MSI2: variants seen among roughly 807,000 people sequenced by gnomAD.
MSI2 encodes the protein RNA-binding protein Musashi homolog 2.
In MSI2, 17 loss-of-function variants were observed where a neutral mutation model predicts 45.6. The observed-to-expected ratio is 0.37, with a 90% CI of 0.26 to 0.56. The LOEUF (loss-of-function observed/expected upper bound fraction) is 0.56, where lower values mean the gene tolerates loss of function less well. Among genes scored for constraint, MSI2 ranks in the 20% least tolerant of loss-of-function variants. MSI2 has a pLI of 0.77. For missense variants in MSI2, 293 were observed against 444.2 expected (o/e 0.66, Z 3.06); for synonymous variants, 156 against 158.2 (o/e 0.99, Z 0.11).
rs532021022 is a variant in MSI2 at position 57,464,748 on chromosome 17, C to T, written c.405+63277C>T. On this transcript the variant is annotated intron_variant, in intron 6 of 13. Coordinates refer to ENST00000284073, the MANE Select transcript of MSI2 (RefSeq NM_138962.4). ...TAGGCCACTCTGTTCCTGTCCCTTC[C>T]TCTTTTCTCTGAGATTGGTCCAGTA... is the stretch of plus-strand genomic sequence containing the variant. 5.9e-5 allele frequency among the ~76,000 whole-genome samples: 9 copies of T among 152,324 alleles called. No homozygotes were observed. In the South Asian group the frequency reaches 6.2e-4, roughly 11 times the overall value.
chr17:57,498,633 C>T (rs1398453316), intron 6 of MSI2, among the ~76,000 whole-genome samples: 2 of 152,270 alleles, frequency 1.3e-5, no homozygotes, highest in African/African-American at 2.4e-5. Context: ...CTGTGCCGCG[C>T]GGGGAGCTCA....
chr17:57,485,057 G>T (rs1174061441), intron 6 of MSI2, among the ~76,000 whole-genome samples: 1 of 152,204 alleles, frequency 6.6e-6, no homozygotes, highest in Admixed American at 6.5e-5. Context: ...AGGGTGCCTC[G>T]TGTAGAGCCC....
chr17:57,386,244 G>T (rs1430090364), intron 5 of MSI2, among the ~76,000 whole-genome samples: 1 of 152,118 alleles, frequency 6.6e-6, no homozygotes, highest in Non-Finnish European at 1.5e-5. Flanking sequence ...ATCATCCTCT[G>T]ATTGTGGCAC....
intron 6 of MSI2, among the ~76,000 whole-genome samples, chr17:57,527,467 C>T (rs2332930): frequency 0.01 from 1,554 of 152,050 alleles, 18 homozygotes; most frequent in South Asian, 0.018. Context: ...TTACCGTCGG[C>T]GGGGGCTCTT....
At chr17:57,640,700 C>G (rs774011183) in intron 10 of MSI2, among the ~76,000 whole-genome samples, 3 of 152,152 alleles carry the variant, frequency 2.0e-5, no homozygotes, top group Non-Finnish European at 2.9e-5. Context: ...ATTTTAACCA[C>G]CGTTGTGTAC....
rs71139995 is a variant in MSI2 at position 57,440,413 on chromosome 17, CGTGTGTGTGTGTGT to C, written c.405+38983_405+38996del. Among the ~76,000 whole-genome samples, 289 of 104,590 alleles carry C rather than the reference CGTGTGTGTGTGTGT, an allele frequency of 2.8e-3. 4 individuals carry two copies. The highest frequency in any genetic ancestry group is 8.4e-3 in the African/African-American group (222 of 26,496). The allele number at this position is 104,590 out of a possible 152,430, so 68.6% of individuals were successfully genotyped here. ...ACAGTCTTACCTGGGGTTTGTTATCCGTGTGTGTGTGTGTGTGTGTGTGTGTGTGTGTGTGTGTG... is the reference window on the plus strand; with the variant it reads ...ACAGTCTTACCTGGGGTTTGTTATCCGTGTGTGTGTGTGTGTGTGTGTGTG... On this transcript the variant is annotated intron_variant, in intron 6 of 13. Transcript: ENST00000284073.
In MSI2 at chr17:57,529,038, T is replaced by G. The variant is rs1412515766; in HGVS notation, c.406-638T>G. 6.6e-6 allele frequency among the ~76,000 whole-genome samples: 1 copy of G among 152,186 alleles called. No homozygotes were observed. Among genetic ancestry groups the G allele is most frequent in the African/African-American group, 2.4e-5 (1 of 41,442 alleles). Reference sequence around the variant, plus strand: ...ATACATGATATACTAACCTGGAAATTGTTTGCCATATTGTAATGTTACAGG... The same window carrying G: ...ATACATGATATACTAACCTGGAAATGGTTTGCCATATTGTAATGTTACAGG... On this transcript the variant is annotated intron_variant, in intron 6 of 13. Transcript: ENST00000284073. This position sits in a 1 kb window ranked among gnomAD's most constrained non-coding sequence, Gnocchi z 5.3.
At chr17:57,573,724 G>T (rs566568027) in intron 7 of MSI2, among the ~76,000 whole-genome samples, 2 of 152,208 alleles carry the variant, frequency 1.3e-5, no homozygotes, top group Non-Finnish European at 2.9e-5. Context: ...TGATCTTCCA[G>T]GGGCTGATGG....
At chr17:57,575,777 C>G (rs1260088712) in intron 7 of MSI2, among the ~76,000 whole-genome samples, 2 of 151,974 alleles carry the variant, frequency 1.3e-5, no homozygotes, top group Non-Finnish European at 2.9e-5. Flanking sequence ...AACCCCGCCT[C>G]TATTAAAAAT....
chr17:57,666,133 G>T (rs903697899), intron 11 of MSI2, among the ~76,000 whole-genome samples: 1 of 152,206 alleles, frequency 6.6e-6, no homozygotes, highest in African/African-American at 2.4e-5. Flanking sequence ...TTTCTCTGGG[G>T]CAAAGAAAGA....
chr17:57,646,833 G>A (rs1389555904), intron 10 of MSI2, among the ~76,000 whole-genome samples: 2 of 117,124 alleles, frequency 1.7e-5, no homozygotes, highest in African/African-American at 7.5e-5. Context: ...AGACATCCTC[G>A]TTTTGAATAT....
chr17:57,335,120 T>G (rs1253306716), intron 5 of MSI2, among the ~76,000 whole-genome samples: 1 of 152,234 alleles, frequency 6.6e-6, no homozygotes, highest in Non-Finnish European at 1.5e-5. Context: ...GATTTCTCTC[T>G]GGACATATTT....
chr17:57,541,573 A>G (rs898684609), intron 7 of MSI2, among the ~76,000 whole-genome samples: 1 of 152,200 alleles, frequency 6.6e-6, no homozygotes, highest in Admixed American at 6.5e-5. Flanking sequence ...AGGCAGGAAC[A>G]TTTGCCAATT....
chr17:57,348,734 A>G (rs1262971110), intron 5 of MSI2, among the ~76,000 whole-genome samples: 2 of 152,154 alleles, frequency 1.3e-5, no homozygotes, highest in African/African-American at 4.8e-5. Flanking sequence ...CTTTCTTTAT[A>G]AATTACCCAG....
intron 6 of MSI2, among the ~76,000 whole-genome samples, chr17:57,493,691 A>C (rs1410627011): frequency 6.6e-6 from 1 of 150,458 alleles, no homozygotes; most frequent in Non-Finnish European, 1.5e-5. Context: ...CACGAGAAGG[A>C]GTATTGGAGA....
At chr17:57,521,344 A>T (rs1392185757) in intron 6 of MSI2, among the ~76,000 whole-genome samples, 1 of 151,936 alleles carries the variant, frequency 6.6e-6, no homozygotes, top group Non-Finnish European at 1.5e-5. Flanking sequence ...AATTTGTAAT[A>T]CTCCCTTTCT....
intron 6 of MSI2, among the ~76,000 whole-genome samples, chr17:57,526,226 G>A (rs1357477167): frequency 6.6e-6 from 1 of 151,696 alleles, no homozygotes; most frequent in African/African-American, 2.4e-5. Context: ...CTGTCTCAAA[G>A]GAAAAAAAAG....
chr17:57,509,296 A>G (rs554971587), intron 6 of MSI2, among the ~76,000 whole-genome samples: 1 of 152,272 alleles, frequency 6.6e-6, no homozygotes, highest in East Asian at 1.9e-4. Flanking sequence ...CTCAAGTGGA[A>G]AGGAGTGAGG....
intron 5 of MSI2, among the ~76,000 whole-genome samples, chr17:57,385,786 G>A (rs908167844): frequency 2.0e-5 from 3 of 152,206 alleles, no homozygotes; most frequent in Non-Finnish European, 4.4e-5. Flanking sequence ...TGACTTCTGT[G>A]TTATAGTTGT....
Sources: allele counts gnomAD v4.1 joint callset (sites outside exome capture counted in the v4.1 genomes callset), GRCh38; gene constraint gnomAD v4.1.1; non-coding constraint Gnocchi (gnomAD v3.1); transcripts MANE v1.5; gene names NCBI Gene and HGNC (gene_info 2026-07-23, HGNC 2026-07-21).